Variants in MTSS1 observed in about 807,000 individuals in gnomAD.
MTSS1 encodes the protein MTSS I-BAR domain containing 1.
A neutral mutation model predicts 79.0 loss-of-function variants in MTSS1; 18 were observed. The ratio of observed to expected loss-of-function variants is 0.23; its 90% CI spans 0.16 to 0.34. The LOEUF (loss-of-function observed/expected upper bound fraction) is 0.34, where lower values mean the gene tolerates loss of function less well. MTSS1 is among the 10% of genes least tolerant of loss of function. The probability of loss-of-function intolerance (pLI) is 1.00; values close to 1 mark genes in which losing one functional copy is unlikely to be tolerated. For missense variants in MTSS1, 815 were observed against 986.2 expected (o/e 0.83, Z 2.33); for synonymous variants, 341 against 368.6 (o/e 0.93, Z 0.86).
In MTSS1 at chr8:124,692,400, T is replaced by C. The variant is rs374436854; in HGVS notation, c.208+7126A>G. Among the ~76,000 whole-genome samples, 101 of 151,164 alleles carry C rather than the reference T, an allele frequency of 6.7e-4. 4 individuals are homozygous for C. The South Asian group carries it at 0.021, about 31-fold the overall frequency. ...AAAGAAAAAAAAAAAGTTTGCTAGG[T>C]AGAAATAGTAAGACTCTAATTACAC... On this transcript the variant is annotated intron_variant, in intron 3 of 13. Transcript: ENST00000518547.
At chr8:124,704,582 G>T (rs1830145172) in intron 1 of MTSS1, among the ~76,000 whole-genome samples, 1 of 152,228 alleles carries the variant, frequency 6.6e-6, no homozygotes, top group African/African-American at 2.4e-5. Flanking sequence ...GGGAACCAGA[G>T]TGACTGGGGC....
intron 3 of MTSS1, among the ~76,000 whole-genome samples, chr8:124,629,122 C>T (rs916461908): frequency 3.3e-5 from 5 of 152,172 alleles, no homozygotes; most frequent in African/African-American, 9.7e-5. Context: ...TTCAACAGCC[C>T]TGTGCATAAG....
chr8:124,683,756 T>C lies in MTSS1; in HGVS notation c.208+15770A>G, dbSNP rs1826510571. 6.6e-6 allele frequency among the ~76,000 whole-genome samples: 1 copy of C among 152,178 alleles called. No homozygotes were observed. The highest frequency in any genetic ancestry group is 1.5e-5 in the Non-Finnish European group (1 of 68,024). ...CACACTCAGGACCAAGACCCCATAA[T>C]ACAGCAGTTAAAAGCCTCCAGGCTC... On this transcript the variant is annotated intron_variant, in intron 3 of 13. Coordinates refer to ENST00000518547, the MANE Select transcript of MTSS1 (RefSeq NM_014751.6). The surrounding 1 kb of genome is among the most constrained non-coding windows in gnomAD (Gnocchi z 4.5).
chr8:124,713,791 C>G (rs1831513024), intron 1 of MTSS1, among the ~76,000 whole-genome samples: 1 of 152,030 alleles, frequency 6.6e-6, no homozygotes, highest in Non-Finnish European at 1.5e-5. Flanking sequence ...ACAATATCAG[C>G]TCACTGCAGC....
At chr8:124,709,635 G>A (rs1035065060) in intron 1 of MTSS1, among the ~76,000 whole-genome samples, 1 of 151,648 alleles carries the variant, frequency 6.6e-6, no homozygotes, top group Non-Finnish European at 1.5e-5. Context: ...ATTACACTGG[G>A]TTCTAAGAAA....
chr8:124,705,588 AT>A (rs1432663711), intron 1 of MTSS1, among the ~76,000 whole-genome samples: 1 of 152,244 alleles, frequency 6.6e-6, no homozygotes, highest in African/African-American at 2.4e-5. Flanking sequence ...TAAAAACAAC[AT>A]ATGCTACCTC....
intron 6 of MTSS1, among the ~76,000 whole-genome samples, chr8:124,573,544 T>C (rs549351618): frequency 6.6e-6 from 1 of 152,376 alleles, no homozygotes; most frequent in South Asian, 2.1e-4. Context: ...TCAGCACACT[T>C]GCCTGGAAGG....
chr8:124,671,574 G>C (rs1283019744), intron 3 of MTSS1, among the ~76,000 whole-genome samples: 3 of 152,202 alleles, frequency 2.0e-5, no homozygotes, highest in Non-Finnish European at 4.4e-5. Flanking sequence ...GATGACCAAA[G>C]TGGAGACAGA....
intron 3 of MTSS1, among the ~76,000 whole-genome samples, chr8:124,613,297 C>T (rs1197262062): frequency 3.3e-5 from 5 of 152,202 alleles, no homozygotes; most frequent in Admixed American, 3.3e-4. Context: ...ACAGGAGCTG[C>T]TCCACAGTGT....
intron 3 of MTSS1, among the ~76,000 whole-genome samples, chr8:124,626,531 A>AT (rs1225709783): frequency 6.6e-6 from 1 of 152,130 alleles, no homozygotes; most frequent in African/African-American, 2.4e-5. Context: ...AGTCAAAAGG[A>AT]TTTTGAGAAA....
chr8:124,676,223 TG>T (rs1293689046), intron 3 of MTSS1, among the ~76,000 whole-genome samples: 4 of 152,278 alleles, frequency 2.6e-5, no homozygotes, highest in African/African-American at 9.6e-5. Context: ...GTAACAGGAC[TG>T]TCTCAAAACT....
At chr8:124,609,258 G>A (rs1410316352) in intron 3 of MTSS1, among the ~76,000 whole-genome samples, 1 of 152,028 alleles carries the variant, frequency 6.6e-6, no homozygotes, top group African/African-American at 2.4e-5. Context: ...TCCACCCCTC[G>A]CCTTAGTGTC....
intron 3 of MTSS1, among the ~76,000 whole-genome samples, chr8:124,611,503 C>T (rs908307902): frequency 1.4e-4 from 21 of 152,086 alleles, no homozygotes; most frequent in Non-Finnish European, 1.3e-4. Context: ...CTGGGATACT[C>T]TCCTACAGGC....
chr8:124,712,047 A>G lies in MTSS1; in HGVS notation c.73-7856T>C, dbSNP rs553181566. On this transcript the variant is annotated intron_variant, in intron 1 of 13. Coordinates refer to ENST00000518547, the MANE Select transcript of MTSS1 (RefSeq NM_014751.6). ...AGGAAGAAAACATGAAACACACAAC[A>G]AAGAGTGGGTAGAAAAATGCCTGGT... 2.6e-5 allele frequency among the ~76,000 whole-genome samples: 4 copies of G among 151,584 alleles called. No individual in the cohort carries two copies. In the South Asian group the frequency reaches 8.3e-4, roughly 32 times the overall value.
intron 6 of MTSS1, among the ~76,000 whole-genome samples, chr8:124,572,743 C>CTTTTTTTTTTTTTTTTTTTTTTTTTTT: frequency 8.1e-6 from 1 of 123,668 alleles, no homozygotes; most frequent in Non-Finnish European, 1.7e-5. Flanking sequence ...CTTTTCTTTT[C>CTTTTTTTTTTTTTTTTTTTTTTTTTTT]TTTTTTTTTT....
At chr8:124,608,130 C>T (rs1419250397) in intron 3 of MTSS1, among the ~76,000 whole-genome samples, 3 of 151,922 alleles carry the variant, frequency 2.0e-5, no homozygotes, top group Non-Finnish European at 4.4e-5. Flanking sequence ...TTAGATGCCC[C>T]TCTGAGAGCT....
chr8:124,698,506 C>CTTT (rs148481676), intron 3 of MTSS1, among the ~76,000 whole-genome samples: 15 of 124,770 alleles, frequency 1.2e-4, no homozygotes, highest in South Asian at 5.2e-4. Flanking sequence ...TGTTGCTTTT[C>CTTT]TTTTTTTTTT....
Position 124,553,772 on chromosome 8 carries a change from C to T in MTSS1, c.1568-80G>A. On this transcript the variant is annotated intron_variant, in intron 13 of 13. Transcript: ENST00000518547. The surrounding 1 kb of genome is among the most constrained non-coding windows in gnomAD (Gnocchi z 6.0). Reference sequence around the variant, plus strand: ...TCTTCTGGGCTGGGAGGACAAAAGGCACGCAAGGCAGGGTACACACACAGT... The same window carrying T: ...TCTTCTGGGCTGGGAGGACAAAAGGTACGCAAGGCAGGGTACACACACAGT... 7.9e-7 allele frequency: 1 copy of T among 1,271,124 alleles called. No individual in the cohort carries two copies. Among genetic ancestry groups the T allele is most frequent in the Non-Finnish European group, 1.1e-6 (1 of 918,696 alleles). 78.7% of individuals were successfully genotyped at this position (1,271,124 alleles called of 1,614,324 possible).
intron 3 of MTSS1, among the ~76,000 whole-genome samples, chr8:124,655,126 G>A (rs1273346610): frequency 2.0e-5 from 3 of 152,266 alleles, no homozygotes; most frequent in Non-Finnish European, 4.4e-5. Flanking sequence ...ACAGATGAGA[G>A]TTTTGATAAC....
Sources: gnomAD v4.1 joint callset for allele counts (sites outside exome capture counted in the v4.1 genomes callset) on GRCh38, gnomAD v4.1.1 for gene constraint, Gnocchi (gnomAD v3.1) non-coding constraint, MANE v1.5 for transcripts, NCBI Gene and HGNC (gene_info 2026-07-23, HGNC 2026-07-21) for gene names.